Variants in STAP1 observed in about 807,000 individuals in gnomAD.
STAP1 encodes the protein signal transducing adaptor family member 1, also known as signal-transducing adaptor protein 1.
A neutral mutation model predicts 37.8 loss-of-function variants in STAP1; 30 were observed. That is an observed-to-expected ratio of 0.79 (90% CI 0.59 to 1.08). STAP1 has a LOEUF of 1.08. STAP1 is among the 50% of genes least tolerant of loss of function. STAP1 has a pLI of 0.00. For synonymous variants in STAP1, 130 were observed against 116.0 expected, an observed-to-expected ratio of 1.12 and a Z score of -0.78; for missense variants, 357 against 349.4, an observed-to-expected ratio of 1.02 and a Z score of -0.17.
At chr4:67,588,101 A>T (rs549504192) in intron 6 of STAP1, among the ~76,000 whole-genome samples, 2 of 150,746 alleles carry the variant, frequency 1.3e-5, no homozygotes, top group Admixed American at 6.6e-5. Flanking sequence ...AGCATCAGGA[A>T]ATCTTAATAT....
intron 5 of STAP1, among the ~76,000 whole-genome samples, chr4:67,582,921 G>A (rs960271020): frequency 4.6e-5 from 7 of 152,130 alleles, no homozygotes; most frequent in Admixed American, 3.3e-4. Context: ...TTTAAGGTAG[G>A]CTAGGCTAAG....
At chr4:67,559,863 C>G (rs1032307398) in intron 1 of STAP1, among the ~76,000 whole-genome samples, 1 of 152,024 alleles carries the variant, frequency 6.6e-6, no homozygotes, top group African/African-American at 2.4e-5. Context: ...ATAGCATATT[C>G]ACATTTCTTA....
At chr4:67,573,011 C>T (rs1282580620) in intron 2 of STAP1, among the ~76,000 whole-genome samples, 1 of 152,208 alleles carries the variant, frequency 6.6e-6, no homozygotes, top group Non-Finnish European at 1.5e-5. Context: ...AGTATACAGA[C>T]CTTTTGGGAA....
chr4:67,590,831 G>A, intron 6 of STAP1, 53 bp from the exon 7 acceptor site: 1 of 1,210,326 alleles, frequency 8.3e-7, no homozygotes, highest in East Asian at 2.7e-5. Context: ...ACTTTAGTTT[G>A]CATTTACCCA....
intron 8 of STAP1, among the ~76,000 whole-genome samples, chr4:67,596,668 T>C (rs921544722): frequency 3.3e-5 from 5 of 152,214 alleles, no homozygotes; most frequent in African/African-American, 9.6e-5. Flanking sequence ...ATTCATGCTA[T>C]GCTTTAGCAA....
chr4:67,583,478 A>C, intron 5 of STAP1, 96 bp from the exon 6 acceptor site: 594 of 1,140,046 alleles, frequency 5.2e-4, no homozygotes, highest in Non-Finnish European at 6.3e-4. Flanking sequence ...AAAGTTAGCA[A>C]CTGCAGCTCT....
intron 8 of STAP1, among the ~76,000 whole-genome samples, chr4:67,605,334 T>C (rs354884): frequency 0.89 from 133,396 of 150,298 alleles, 59,928 homozygotes; most frequent in East Asian, 0.99. Context: ...GTACTGCACC[T>C]TGACTAGGGG....
intron 4 of STAP1, 29 bp downstream of exon 4, chr4:67,577,288 C>CTTT: frequency 2.4e-6 from 3 of 1,256,132 alleles, no homozygotes; most frequent in Non-Finnish European, 3.2e-6. Context: ...TTGATTGATT[C>CTTT]TTTTTTTTTT....
chr4:67,605,384 A>AAT (rs1343558955), intron 8 of STAP1, among the ~76,000 whole-genome samples: 4 of 71,206 alleles, frequency 5.6e-5, no homozygotes, highest in Non-Finnish European at 1.3e-4. Flanking sequence ...AAAAATAGAC[A>AAT]ATACAAAAAA....
intron 8 of STAP1, among the ~76,000 whole-genome samples, chr4:67,598,957 C>A (rs948800978): frequency 6.6e-6 from 1 of 152,142 alleles, no homozygotes; most frequent in Non-Finnish European, 1.5e-5. Context: ...GCTTTTTCAG[C>A]ATCAATTGAA....
At chr4:67,580,438 G>A (rs555931087) in intron 4 of STAP1, among the ~76,000 whole-genome samples, 3 of 152,112 alleles carry the variant, frequency 2.0e-5, no homozygotes, top group African/African-American at 7.2e-5. Context: ...ATAGAAATTA[G>A]TGAAATAGTA....
chr4:67,581,267 C>T (rs1249428374), intron 4 of STAP1, 38 bp from the exon 5 acceptor site: 2 of 1,591,282 alleles, frequency 1.3e-6, no homozygotes, highest in East Asian at 4.5e-5. Context: ...AGTTATTAAG[C>T]TGTTTTCTTG....
chr4:67,572,674 C>T (rs949401055), intron 2 of STAP1, among the ~76,000 whole-genome samples: 1 of 152,130 alleles, frequency 6.6e-6, no homozygotes, highest in African/African-American at 2.4e-5. Context: ...AAATAGTAGT[C>T]CATTTTATAA....
chr4:67,566,144 C>T (rs1727464540), intron 1 of STAP1, among the ~76,000 whole-genome samples: 4 of 152,040 alleles, frequency 2.6e-5, no homozygotes, highest in East Asian at 1.9e-4. Context: ...TACAGGGTTT[C>T]ACCACGTTGG....
rs149687590 is a variant in STAP1, at chr4:67,597,264, G to A, written c.826+3908G>A. On this transcript the variant is annotated intron_variant, in intron 8 of 8. Coordinates refer to ENST00000265404, the MANE Select transcript of STAP1 (RefSeq NM_012108.4). ...GCCTTGATGGCTTCCATGAGGTGTT[G>A]AGCCTGCAGGTGTGCAGAAGACAAG... Among the ~76,000 whole-genome samples the A allele has an allele frequency of 2.0e-5, 3 of 152,322 alleles. No individual in the cohort carries two copies. The East Asian group carries it at 5.8e-4, about 29-fold the overall frequency.
chr4:67,560,672 G>GTGTGTT (rs1727316174), intron 1 of STAP1, among the ~76,000 whole-genome samples: 1 of 152,008 alleles, frequency 6.6e-6, no homozygotes, highest in Admixed American at 6.6e-5. Flanking sequence ...GTGTGTGTGT[G>GTGTGTT]TGACAGTGTC....
chr4:67,582,063 T>C (rs938431921), intron 5 of STAP1, among the ~76,000 whole-genome samples: 3 of 152,302 alleles, frequency 2.0e-5, no homozygotes, highest in Admixed American at 1.3e-4. Flanking sequence ...CTTGTCCTGG[T>C]ACCCTGTTTG....
intron 3 of STAP1, among the ~76,000 whole-genome samples, chr4:67,576,131 C>T (rs1727714489): frequency 6.6e-6 from 1 of 152,140 alleles, no homozygotes; most frequent in Non-Finnish European, 1.5e-5. Flanking sequence ...TTTGTTTCTT[C>T]ACCCGGAAGT....
chr4:67,566,217 C>T (rs551791838), intron 1 of STAP1, among the ~76,000 whole-genome samples: 39 of 151,962 alleles, frequency 2.6e-4, no homozygotes, highest in East Asian at 1.2e-3. Flanking sequence ...CAAAGTACTG[C>T]GACGACAGGC....
Sources: gnomAD v4.1 joint callset for allele counts (sites outside exome capture counted in the v4.1 genomes callset) on GRCh38, gnomAD v4.1.1 for gene constraint, MANE v1.5 for transcripts, NCBI Gene and HGNC (gene_info 2026-07-23, HGNC 2026-07-21) for gene names.